ZFHX4: variants seen among roughly 807,000 people sequenced by gnomAD.
ZFHX4 encodes the protein zinc finger homeobox protein 4.
In ZFHX4, 56 loss-of-function variants were observed where a neutral mutation model predicts 267.6. The observed-to-expected ratio is 0.21, with a 90% CI of 0.17 to 0.26. The LOEUF (loss-of-function observed/expected upper bound fraction) is 0.26. ZFHX4 is among the 10% of genes least tolerant of loss of function. The pLI is 1.00. For missense variants in ZFHX4, 4,332 were observed against 4,420.0 expected (o/e 0.98, Z 0.56); for synonymous variants, 1,778 against 1,665.6 (o/e 1.07, Z -1.64).
intron 3 of ZFHX4, among the ~76,000 whole-genome samples, chr8:76,756,733 CT>C (rs1441291966): frequency 6.6e-6 from 1 of 151,924 alleles, no homozygotes; most frequent in Non-Finnish European, 1.5e-5. Flanking sequence ...AGTGTCTTAC[CT>C]TTTTCTAGGC....
rs1168818095 is a variant in ZFHX4 at position 76,856,191 on chromosome 8, C to A, written c.9270C>A (p.His3090Gln). 1 of 1,613,984 alleles carries A rather than the reference C, an allele frequency of 6.2e-7. No homozygotes were observed. The highest frequency in any genetic ancestry group is 8.5e-7 in the Non-Finnish European group (1 of 1,179,876). ...QPGMMDSSSLHGISLPTAYPG... is the reference protein window; with the variant it reads ...QPGMMDSSSLQGISLPTAYPG... ...GCATGATGGACAGCAGTTCTCTCCA[C>A]GGCATCAGCCTGCCAACAGCCTACC... Residue 3090 changes from histidine to glutamine, a missense_variant, in exon 10 of 11, where the codon CAC (histidine) becomes CAA (glutamine). Coordinates refer to ENST00000651372, the MANE Select transcript of ZFHX4 (RefSeq NM_024721.5).
intron 3 of ZFHX4, among the ~76,000 whole-genome samples, chr8:76,732,981 C>A (rs1809062062): frequency 6.6e-6 from 1 of 151,294 alleles, no homozygotes; most frequent in Non-Finnish European, 1.5e-5. Flanking sequence ...CCACTCAGAG[C>A]AGAGACTATT....
At chr8:76,729,779 C>A (rs1808950071) in intron 3 of ZFHX4, among the ~76,000 whole-genome samples, 2 of 152,124 alleles carry the variant, frequency 1.3e-5, no homozygotes, top group Non-Finnish European at 2.9e-5. Context: ...AGACATATAA[C>A]AGATTGAAAA....
At chr8:76,682,056 A>G (rs2131565548) in intron 1 of ZFHX4, among the ~76,000 whole-genome samples, 1 of 152,030 alleles carries the variant, frequency 6.6e-6, no homozygotes, top group East Asian at 2.0e-4. Flanking sequence ...CGGGCATTCT[A>G]GTGGCTGGGG....
chr8:76,778,906 G>A (rs146458568), intron 4 of ZFHX4, among the ~76,000 whole-genome samples: 2 of 152,276 alleles, frequency 1.3e-5, no homozygotes, highest in Non-Finnish European at 1.5e-5. Flanking sequence ...CCTAGTCAGG[G>A]TCCATTATAC....
chr8:76,822,282 A>G (rs537446527), intron 4 of ZFHX4, among the ~76,000 whole-genome samples: 7 of 152,166 alleles, frequency 4.6e-5, no homozygotes, highest in African/African-American at 1.7e-4. Flanking sequence ...CTTTCAAAAT[A>G]TATACCAGTT....
At chr8:76,764,629 CAA>C (rs1810005272) in intron 3 of ZFHX4, among the ~76,000 whole-genome samples, 2 of 152,200 alleles carry the variant, frequency 1.3e-5, no homozygotes, top group South Asian at 4.2e-4. Context: ...CATTTCTATT[CAA>C]ATATGGAGAC....
intron 5 of ZFHX4, among the ~76,000 whole-genome samples, chr8:76,839,931 T>C (rs189194941): frequency 1.3e-5 from 2 of 152,342 alleles, no homozygotes; most frequent in Admixed American, 6.5e-5. Flanking sequence ...CTAAAGTCTA[T>C]TTATACAATG....
rs748889194 is a variant in ZFHX4 at position 76,864,478 on chromosome 8, A to G, written c.10764A>G (p.Leu3588=). 1 of 1,613,698 alleles carries G rather than the reference A, an allele frequency of 6.2e-7. No homozygotes were observed. Among genetic ancestry groups the G allele is most frequent in the East Asian group, 2.2e-5 (1 of 44,846 alleles). Reference sequence around the variant, plus strand: ...AGCTGAGCCAGAAGCTAGAAGACTTAGATAATTCTTTGGAAGTGAAGGCTA... The same window carrying G: ...AGCTGAGCCAGAAGCTAGAAGACTTGGATAATTCTTTGGAAGTGAAGGCTA... ...DSELSQKLED[L]DNSLEVKAKP... Residue 3588 remains leucine (L), a synonymous_variant, in exon 11 of 11, where the codon TTA becomes TTG. Coordinates refer to ENST00000651372, the MANE Select transcript of ZFHX4 (RefSeq NM_024721.5).
At chr8:76,834,955 T>C (rs556294365) in intron 5 of ZFHX4, among the ~76,000 whole-genome samples, 1 of 151,612 alleles carries the variant, frequency 6.6e-6, no homozygotes, top group East Asian at 1.9e-4. Context: ...ACTCTTTTTT[T>C]TTTCTTTTTT....
chr8:76,798,004 T>G (rs1811025754), intron 4 of ZFHX4, among the ~76,000 whole-genome samples: 1 of 152,000 alleles, frequency 6.6e-6, no homozygotes, highest in South Asian at 2.1e-4. Context: ...CCAGTCTTAT[T>G]AATACTAATG....
chr8:76,855,428 C>T lies in ZFHX4; in HGVS notation c.8507C>T (p.Ala2836Val). 6.2e-7 allele frequency: 1 copy of T among 1,613,666 alleles called. No individual in the cohort carries two copies. Among genetic ancestry groups the T allele is most frequent in the Non-Finnish European group, 8.5e-7 (1 of 1,179,826 alleles). The change falls in exon 10 of 11, where the codon GCT becomes GTT. Residue 2836 changes from alanine (A) to valine (V), a missense_variant. Transcript: ENST00000651372. ...GGAAGTTCCGGAGATGTGAAACCGGCTTTGTCTCCCAAAGAGCCAAAAACT... is the reference window on the plus strand; with the variant it reads ...GGAAGTTCCGGAGATGTGAAACCGGTTTTGTCTCCCAAAGAGCCAAAAACT... Reference protein sequence around the residue: ...TTGSSGDVKPALSPKEPKTLD... With the variant: ...TTGSSGDVKPVLSPKEPKTLD...
intron 1 of ZFHX4, among the ~76,000 whole-genome samples, chr8:76,691,560 G>A (rs571264021): frequency 6.6e-5 from 10 of 152,098 alleles, no homozygotes; most frequent in East Asian, 1.9e-4. Context: ...TTATTTAAAC[G>A]ACATTATTTA....
rs118054986 is a variant in ZFHX4 at position 76,848,581 on chromosome 8, C to T, written c.3512-414C>T. 3.6e-4 allele frequency among the ~76,000 whole-genome samples: 54 copies of T among 152,042 alleles called. No individual in the cohort carries two copies. The South Asian group carries it at 0.011, about 30-fold the overall frequency. On this transcript the variant is annotated intron_variant, in intron 6 of 10. Transcript: ENST00000651372. ...TATAACCAGTCAGCCCTTCTCAGAA[C>T]GTTGAAATATTTTAAGTGTCAAAGA...
chr8:76,819,468 A>T (rs1157661927), intron 4 of ZFHX4, among the ~76,000 whole-genome samples: 1 of 152,158 alleles, frequency 6.6e-6, no homozygotes, highest in Non-Finnish European at 1.5e-5. Context: ...TACTCCTTGA[A>T]TATGTAAATA....
At chr8:76,849,773 A>C in intron 8 of ZFHX4, 61 bp downstream of exon 8, 1 of 1,470,742 alleles carries the variant, frequency 6.8e-7, no homozygotes, top group Admixed American at 1.8e-5. Flanking sequence ...ATCAATATAA[A>C]ATCTGTAATT....
chr8:76,842,850 A>C, intron 6 of ZFHX4, 79 bp downstream of exon 6: 1 of 937,650 alleles, frequency 1.1e-6, no homozygotes. Flanking sequence ...CCATCCCCCC[A>C]CCCCACAAAA....
intron 3 of ZFHX4, among the ~76,000 whole-genome samples, chr8:76,747,098 A>C (rs1406100791): frequency 2.6e-5 from 4 of 152,228 alleles, no homozygotes; most frequent in Non-Finnish European, 5.9e-5. Context: ...GTATTTTTCA[A>C]GGAAAAAAAT....
At chr8:76,841,305 AT>A (rs994363585) in intron 5 of ZFHX4, among the ~76,000 whole-genome samples, 4 of 151,502 alleles carry the variant, frequency 2.6e-5, no homozygotes, top group Non-Finnish European at 4.4e-5. Flanking sequence ...CACTAAATAG[AT>A]TTTTTTTTGG....
Sources: allele counts gnomAD v4.1 joint callset (sites outside exome capture counted in the v4.1 genomes callset), GRCh38; gene constraint gnomAD v4.1.1; transcripts MANE v1.5; gene names NCBI Gene and HGNC (gene_info 2026-07-23, HGNC 2026-07-21).